Variants in AFAP1L2 observed in about 807,000 individuals in gnomAD.
AFAP1L2 encodes actin filament-associated protein 1-like 2.
Under a neutral mutation model 99.3 loss-of-function variants are expected in AFAP1L2, and 46 were observed. The observed-to-expected ratio is 0.46, with a 90% confidence interval of 0.37 to 0.59. The LOEUF (loss-of-function observed/expected upper bound fraction) is 0.59. Ranked by LOEUF, AFAP1L2 falls within the 20% of genes least tolerant of loss-of-function variation. The pLI, the probability that AFAP1L2 is intolerant of heterozygous loss-of-function variation, is 0.00. For missense variants in AFAP1L2, 959 were observed against 1,034.9 expected (o/e 0.93, Z 1.01); for synonymous variants, 397 against 419.1 (o/e 0.95, Z 0.64).
At position 114,331,888 on chromosome 10, in the gene AFAP1L2, T is replaced by C; in HGVS notation, c.230A>G (p.Glu77Gly). Reference protein sequence around the residue: ...NAESQGKAPEEQGLLPNGEPS... With the variant: ...NAESQGKAPEGQGLLPNGEPS... ...CTCCCCATTGGGTAGCAGGCCCTGC[T>C]CCTCAGGCGCTGCGGGCAGCAAAAG... The change falls in exon 4 of 19, where the codon GAG (glutamate) becomes GGG (glycine). Residue 77 changes from glutamate to glycine, a missense_variant. Around this residue, in one of 2 missense-constraint regions of AFAP1L2, gnomAD observed 383 missense variants for 472.8 expected, o/e 0.81. Transcript: ENST00000304129. 1 of 1,320,534 alleles carries C rather than the reference T, an allele frequency of 7.6e-7. No homozygotes were observed. Among genetic ancestry groups the C allele is most frequent in the Non-Finnish European group, 9.7e-7 (1 of 1,025,716 alleles). The allele number at this position is 1,320,534 out of a possible 1,614,324, so 81.8% of individuals were successfully genotyped here. A position where few individuals can be genotyped will look rare whatever the true frequency, so the allele number is the denominator to read the frequency against.
At chr10:114,391,048 TTAATAGAACAGC>T (rs2137952281) in intron 1 of AFAP1L2, among the ~76,000 whole-genome samples, 1 of 152,276 alleles carries the variant, frequency 6.6e-6, no homozygotes, top group African/African-American at 2.4e-5. Context: ...ATCCTAAATG[TTAATAGAACAGC>T]TTTTAGACAT....
chr10:114,384,496 T>C (rs2056236255), intron 1 of AFAP1L2, among the ~76,000 whole-genome samples: 1 of 152,342 alleles, frequency 6.6e-6, no homozygotes, highest in Admixed American at 6.5e-5. Flanking sequence ...GAGAGACAGC[T>C]GTTGGGCTTG....
chr10:114,369,378 G>T (rs1020338049), intron 1 of AFAP1L2, among the ~76,000 whole-genome samples: 1 of 152,068 alleles, frequency 6.6e-6, no homozygotes, highest in Admixed American at 6.5e-5. Context: ...GGCGGATCAC[G>T]AGGTCAGGAG....
chr10:114,336,997 G>A (rs2048071798), intron 2 of AFAP1L2, among the ~76,000 whole-genome samples: 2 of 152,228 alleles, frequency 1.3e-5, no homozygotes, highest in Admixed American at 1.3e-4. Context: ...TTGGACCACG[G>A]CTATCTTGAG....
intron 1 of AFAP1L2, among the ~76,000 whole-genome samples, chr10:114,402,428 C>T (rs886817295): frequency 1.2e-4 from 18 of 152,100 alleles, no homozygotes; most frequent in African/African-American, 3.6e-4. Context: ...ATGACACCAG[C>T]GAGACAAAAT....
chr10:114,378,224 T>C (rs141107156), intron 1 of AFAP1L2, among the ~76,000 whole-genome samples: 1 of 152,356 alleles, frequency 6.6e-6, no homozygotes, highest in African/African-American at 2.4e-5. Context: ...GTTTCTAAAA[T>C]AAGCATTAGC....
At chr10:114,286,299 C>G in the AFAP1L2 span, 1 of 1,610,270 alleles carries the variant, frequency 6.2e-7, no homozygotes, top group Non-Finnish European at 8.5e-7. Context: ...GTTTTGCTCA[C>G]TGAGTCACAC....
chr10:114,297,097 T>C lies in AFAP1L2; in HGVS notation c.2311A>G (p.Lys771Glu). The C allele has an allele frequency of 1.2e-6, 2 of 1,614,092 alleles. No homozygotes were observed. Among genetic ancestry groups the C allele is most frequent in the Non-Finnish European group, 1.7e-6 (2 of 1,180,014 alleles). ...GGGGCAGAGGCAGGTGTGACAGCTT[T>C]GGGCTGTGGTTATAGGAGGAGAGCA... is the stretch of plus-strand genomic sequence containing the variant. ...THLENVSPRP[K>E]AVTPASAPDC... The change falls in exon 18 of 19, where the codon AAA becomes GAA. Residue 771 changes from lysine (K) to glutamate (E), a missense_variant. Lys to Glu is a moderately conservative substitution (Grantham distance 56, BLOSUM62 1). Transcript: ENST00000304129.
chr10:114,360,497 A>ATAGATAGT (rs1554937546), intron 1 of AFAP1L2, among the ~76,000 whole-genome samples: 25 of 116,420 alleles, frequency 2.1e-4, no homozygotes, highest in African/African-American at 8.6e-4. Context: ...AGATAGATAG[A>ATAGATAGT]TAGATAGATA....
At chr10:114,303,303 T>C (rs2041550927) in intron 11 of AFAP1L2, among the ~76,000 whole-genome samples, 1 of 152,122 alleles carries the variant, frequency 6.6e-6, no homozygotes, top group African/African-American at 2.4e-5. Context: ...TTGGTTTCCT[T>C]TTCCCAGTTT....
chr10:114,281,200 T>A, the AFAP1L2 span: 1 of 152,250 alleles, frequency 6.6e-6, no homozygotes, highest in East Asian at 1.9e-4. Flanking sequence ...TGGAGAACTT[T>A]AGGGAATGTT....
At chr10:114,300,936 C>T (rs2041058176) in intron 13 of AFAP1L2, among the ~76,000 whole-genome samples, 1 of 152,148 alleles carries the variant, frequency 6.6e-6, no homozygotes, top group African/African-American at 2.4e-5. Flanking sequence ...CAGCATCTTC[C>T]CATAAGGTGG....
intron 2 of AFAP1L2, among the ~76,000 whole-genome samples, chr10:114,334,720 C>T (rs1217579822): frequency 2.0e-5 from 3 of 152,194 alleles, no homozygotes; most frequent in South Asian, 2.1e-4. Context: ...TGGAGTGAAC[C>T]GGAACTCACA....
chr10:114,308,131 C>T (rs2042700798), intron 9 of AFAP1L2, among the ~76,000 whole-genome samples: 1 of 152,194 alleles, frequency 6.6e-6, no homozygotes, highest in African/African-American at 2.4e-5. Flanking sequence ...GAGGGGTACA[C>T]AGACTTCTTA....
intron 1 of AFAP1L2, among the ~76,000 whole-genome samples, chr10:114,362,782 C>T (rs564886327): frequency 1.3e-5 from 2 of 152,260 alleles, no homozygotes; most frequent in African/African-American, 4.8e-5. Context: ...AAGGAACAGA[C>T]TTACAAAAGA....
intron 1 of AFAP1L2, among the ~76,000 whole-genome samples, chr10:114,346,457 C>T (rs529659507): frequency 5.3e-5 from 8 of 152,312 alleles, no homozygotes; most frequent in Admixed American, 2.0e-4. Context: ...CACACCCTTT[C>T]GGGATCCAGC....
chr10:114,282,653 G>C, the AFAP1L2 span: 1 of 1,255,824 alleles, frequency 8.0e-7, no homozygotes, highest in Non-Finnish European at 1.2e-6. Flanking sequence ...TACAATCCTG[G>C]GACAGAGGGT....
intron 1 of AFAP1L2, among the ~76,000 whole-genome samples, chr10:114,390,707 C>T (rs187020509): frequency 1.7e-4 from 19 of 109,552 alleles, no homozygotes; most frequent in Admixed American, 3.9e-4. Context: ...GACAACAGGG[C>T]GAGACTCTGT....
At chr10:114,294,047 A>AT (rs888644191), downstream of AFAP1L2, among the ~76,000 whole-genome samples, 7 of 152,256 alleles carry the variant, frequency 4.6e-5, no homozygotes, top group East Asian at 1.3e-3. Context: ...AAGATAATGC[A>AT]TTTTTTGTAT....
Sources: allele counts gnomAD v4.1 joint callset (sites outside exome capture counted in the v4.1 genomes callset), GRCh38; gene constraint gnomAD v4.1.1; regional missense constraint gnomAD v4.1.1; transcripts MANE v1.5; gene names NCBI Gene and HGNC (gene_info 2026-07-23, HGNC 2026-07-21).